The following AGAP1 variants were observed in gnomAD, a reference collection of about 807,000 sequenced individuals.
The protein encoded by AGAP1 is arf-GAP with GTPase, ANK repeat and PH domain-containing protein 1.
A neutral mutation model predicts 105.3 loss-of-function variants in AGAP1; 29 were observed. The observed-to-expected ratio is 0.28, with a 90% confidence interval of 0.21 to 0.38. The LOEUF is 0.38. Ranked by LOEUF, AGAP1 falls within the 10% of genes least tolerant of loss-of-function variation. The pLI is 1.00. For synonymous variants in AGAP1, 509 were observed against 485.9 expected (o/e 1.05, Z -0.63); for missense variants, 998 against 1,165.1 (o/e 0.86, Z 2.09).
At position 235,599,972 on chromosome 2, in the gene AGAP1, G is replaced by A. The variant is rs1945674944; in HGVS notation, c.163+105123G>A. On this transcript the variant is annotated intron_variant, in intron 1 of 17. Coordinates refer to ENST00000304032, the MANE Select transcript of AGAP1 (RefSeq NM_001037131.3). This position sits in a 1 kb window ranked among gnomAD's most constrained non-coding sequence, Gnocchi z 5.3. ...GAGGTTCCACTGTGATTTGAAAACA[G>A]GCGATTCTTCCAGACAACTTTAAAG... 1.3e-5 allele frequency among the ~76,000 whole-genome samples: 2 copies of A among 152,198 alleles called. No individual in the cohort carries two copies. Among genetic ancestry groups the A allele is most frequent in the Admixed American group, 1.3e-4 (2 of 15,278 alleles).
chr2:235,528,352 T>TC (rs1206622835), intron 1 of AGAP1, among the ~76,000 whole-genome samples: 3 of 71,160 alleles, frequency 4.2e-5, no homozygotes, highest in Non-Finnish European at 6.1e-5. Flanking sequence ...TCAGGCCCCC[T>TC]CCCCCTCCCC....
At chr2:235,763,992 G>A (rs2675140) in intron 6 of AGAP1, among the ~76,000 whole-genome samples, 3,560 of 147,948 alleles carry the variant, frequency 0.024, 72 homozygotes, top group Non-Finnish European at 0.034. Flanking sequence ...ATCTGTGTGT[G>A]GCTGTGATCC....
chr2:235,998,703 T>C (rs1576011342), intron 13 of AGAP1, among the ~76,000 whole-genome samples: 1 of 82,482 alleles, frequency 1.2e-5, no homozygotes, highest in Admixed American at 1.2e-4. Context: ...GTAGCAGTGA[T>C]GATGATAGTG....
Position 235,905,231 on chromosome 2 carries a change from C to T in AGAP1, c.1156-3507C>T, listed in dbSNP as rs537648444. On this transcript the variant is annotated intron_variant, in intron 10 of 17. Coordinates refer to ENST00000304032, the MANE Select transcript of AGAP1 (RefSeq NM_001037131.3). This position sits in a 1 kb window ranked among gnomAD's most constrained non-coding sequence, Gnocchi z 4.2. Reference sequence around the variant, plus strand: ...TTAGCCTCATTTTAGAGCCCATAAGCAATAAATGCTCAATTACACTCCTGT... The same window carrying T: ...TTAGCCTCATTTTAGAGCCCATAAGTAATAAATGCTCAATTACACTCCTGT... Among the ~76,000 whole-genome samples the T allele has an allele frequency of 1.3e-5, 2 of 152,132 alleles. No individual in the cohort carries two copies. The highest frequency in any genetic ancestry group is 2.9e-5 in the Non-Finnish European group (2 of 68,022).
rs879460165 is a variant in AGAP1 at position 235,887,992 on chromosome 2, C to T, written c.1155+4543C>T. ...TCGTGGTGGTGAGGCCTCTCCCTTC[C>T]GGCACAGACATTTATCTTCTGTCCA... On this transcript the variant is annotated intron_variant, in intron 10 of 17. Transcript: ENST00000304032. This position sits in a 1 kb window ranked among gnomAD's most constrained non-coding sequence, Gnocchi z 4.1. 1.3e-5 allele frequency among the ~76,000 whole-genome samples: 2 copies of T among 152,166 alleles called. No homozygotes were observed. Among genetic ancestry groups the T allele is most frequent in the African/African-American group, 2.4e-5 (1 of 41,448 alleles).
intron 12 of AGAP1, among the ~76,000 whole-genome samples, chr2:235,935,113 T>G (rs2052926219): frequency 1.3e-5 from 2 of 152,180 alleles, no homozygotes; most frequent in African/African-American, 4.8e-5. Flanking sequence ...GCCCACTGCT[T>G]TATGACTATT....
chr2:235,543,574 G>GT (rs1023118030), intron 1 of AGAP1, among the ~76,000 whole-genome samples: 5 of 152,180 alleles, frequency 3.3e-5, no homozygotes, highest in African/African-American at 4.8e-5. Context: ...CTGGCCGGGG[G>GT]TGTTTCCCCG....
At position 235,973,764 on chromosome 2, in the gene AGAP1, G is replaced by A. The variant is rs992230981; in HGVS notation, c.1645+5141G>A. Among the ~76,000 whole-genome samples the A allele has an allele frequency of 2.0e-5, 3 of 152,184 alleles. No homozygotes were observed. Among genetic ancestry groups the A allele is most frequent in the Non-Finnish European group, 4.4e-5 (3 of 68,032 alleles). On this transcript the variant is annotated intron_variant, in intron 13 of 17. Coordinates refer to ENST00000304032, the MANE Select transcript of AGAP1 (RefSeq NM_001037131.3). This position sits in a 1 kb window ranked among gnomAD's most constrained non-coding sequence, Gnocchi z 4.7. ...AGCTCTACGAACCAGGGCCACCTGA[G>A]AGGGAGTGACCCCGACCCTGCATGG...
rs1251465039 is a variant in AGAP1 at position 235,639,630 on chromosome 2, G to C, written c.164-69549G>C. Among the ~76,000 whole-genome samples, 1 of 152,122 alleles carries C rather than the reference G, an allele frequency of 6.6e-6. No individual in the cohort carries two copies. On this transcript the variant is annotated intron_variant, in intron 1 of 17. Coordinates refer to ENST00000304032, the MANE Select transcript of AGAP1 (RefSeq NM_001037131.3). The surrounding 1 kb of genome is among the most constrained non-coding windows in gnomAD (Gnocchi z 5.3). ...TCAAGCTGCCTGCTGTGTTTCTGGT[G>C]CCCAAATGTTCTGGGCACACTGTTG...
rs1445379985 is a variant in AGAP1, at chr2:235,931,590, C to T, written c.1483+667C>T. Among the ~76,000 whole-genome samples the T allele has an allele frequency of 6.6e-6, 1 of 151,984 alleles. No individual in the cohort carries two copies. Among genetic ancestry groups the T allele is most frequent in the Admixed American group, 6.6e-5 (1 of 15,262 alleles). On this transcript the variant is annotated intron_variant, in intron 12 of 17. Coordinates refer to ENST00000304032, the MANE Select transcript of AGAP1 (RefSeq NM_001037131.3). The surrounding 1 kb of genome is among the most constrained non-coding windows in gnomAD (Gnocchi z 5.6). ...GCAGGGTTTGCCTGTGGCGTTTTGT[C>T]TCTGGCCTGTTCACCGGTATTTAAA...
At chr2:235,603,323 G>A (rs942519503) in intron 1 of AGAP1, among the ~76,000 whole-genome samples, 1 of 152,126 alleles carries the variant, frequency 6.6e-6, no homozygotes, top group African/African-American at 2.4e-5. Context: ...ACCTCTTTTT[G>A]TTTATAAATT....
chr2:235,804,252 C>T (rs1037601967), intron 8 of AGAP1, among the ~76,000 whole-genome samples: 1 of 152,106 alleles, frequency 6.6e-6, no homozygotes, highest in African/African-American at 2.4e-5. Context: ...CATTACATGG[C>T]CTTGTCCATT....
intron 11 of AGAP1, among the ~76,000 whole-genome samples, chr2:235,921,691 TAACTA>T (rs1461325335): frequency 1.3e-5 from 2 of 152,204 alleles, no homozygotes; most frequent in African/African-American, 2.4e-5. Context: ...GAAAATCTCT[TAACTA>T]AACAAAAGGT....
intron 1 of AGAP1, among the ~76,000 whole-genome samples, chr2:235,648,708 CAAAAAAAAAAAAA>C (rs200700617): frequency 1.5e-5 from 2 of 132,184 alleles, no homozygotes; most frequent in South Asian, 2.4e-4. Context: ...CCCATCTCTA[CAAAAAAAAAAAAA>C]AAAAAAAAAA....
Position 235,931,062 on chromosome 2 carries a change from A to C in AGAP1, c.1483+139A>C. Reference sequence around the variant, plus strand: ...TGTGGGGCGGCTGCATCAGAGACTCACATCTTGCCTTTCATCTGTGGAACG... The same window carrying C: ...TGTGGGGCGGCTGCATCAGAGACTCCCATCTTGCCTTTCATCTGTGGAACG... On this transcript the variant is annotated intron_variant, in intron 12 of 17. Transcript: ENST00000304032. The surrounding 1 kb of genome is among the most constrained non-coding windows in gnomAD (Gnocchi z 5.6). The C allele has an allele frequency of 2.1e-6, 2 of 960,660 alleles. No individual in the cohort carries two copies. The highest frequency in any genetic ancestry group is 3.0e-6 in the Non-Finnish European group (2 of 675,086). 59.5% of individuals were successfully genotyped at this position (960,660 alleles called of 1,614,324 possible). A position where few individuals can be genotyped will look rare whatever the true frequency, so the allele number is the denominator to read the frequency against.
intron 16 of AGAP1, among the ~76,000 whole-genome samples, chr2:236,084,765 A>G (rs1287222973): frequency 2.0e-5 from 3 of 151,902 alleles, no homozygotes; most frequent in African/African-American, 7.2e-5. Flanking sequence ...TTAGCCAGGC[A>G]TGGTGGTGGG....
intron 1 of AGAP1, among the ~76,000 whole-genome samples, chr2:235,646,663 C>A (rs1341830865): frequency 2.0e-5 from 3 of 152,224 alleles, no homozygotes; most frequent in African/African-American, 7.2e-5. Context: ...TCTCTGACTT[C>A]TCCATCTTTC....
intron 1 of AGAP1, among the ~76,000 whole-genome samples, chr2:235,563,659 G>C (rs771250570): frequency 2.6e-5 from 4 of 152,140 alleles, no homozygotes; most frequent in Non-Finnish European, 5.9e-5. Context: ...GATTTTGGCT[G>C]TCTGGGTAAG....
chr2:235,506,777 A>G (rs1358742251), intron 1 of AGAP1, among the ~76,000 whole-genome samples: 1 of 152,154 alleles, frequency 6.6e-6, no homozygotes, highest in Non-Finnish European at 1.5e-5. Context: ...ATCCATGTTC[A>G]TCCTCTTTCC....
Sources: gnomAD v4.1 joint callset for allele counts (sites outside exome capture counted in the v4.1 genomes callset) on GRCh38, gnomAD v4.1.1 for gene constraint, Gnocchi (gnomAD v3.1) non-coding constraint, MANE v1.5 for transcripts, NCBI Gene and HGNC (gene_info 2026-07-23, HGNC 2026-07-21) for gene names.